The following TBC1D14 variants were observed in gnomAD, a reference collection of about 807,000 sequenced individuals.
TBC1D14 encodes TBC1 domain family member 14.
Under a neutral mutation model 79.0 loss-of-function variants are expected in TBC1D14, and 26 were observed. The ratio of observed to expected loss-of-function variants is 0.33; its 90% confidence interval spans 0.24 to 0.46. The LOEUF is 0.46. TBC1D14 is among the 20% of genes least tolerant of loss of function. TBC1D14 has a pLI of 1.00. For synonymous variants in TBC1D14, 394 were observed against 349.9 expected (o/e 1.13, Z -1.40); for missense variants, 769 against 887.6 (o/e 0.87, Z 1.70).
At chr4:6,921,933 G>A (rs185672816) in intron 1 of TBC1D14, among the ~76,000 whole-genome samples, 78 of 152,180 alleles carry the variant, frequency 5.1e-4, no homozygotes, top group Middle Eastern at 6.8e-3. Flanking sequence ...CTGACCTCTC[G>A]ACCTGCCCGC....
At chr4:6,937,203 C>T (rs1712421755) in intron 2 of TBC1D14, among the ~76,000 whole-genome samples, 3 of 152,246 alleles carry the variant, frequency 2.0e-5, no homozygotes, top group Admixed American at 2.0e-4. Flanking sequence ...AGGCGTGAGC[C>T]ACCACGCTGG....
chr4:6,990,503 TG>T (rs1718378729), intron 3 of TBC1D14, among the ~76,000 whole-genome samples: 2 of 152,160 alleles, frequency 1.3e-5, no homozygotes, highest in Admixed American at 6.5e-5. Context: ...GTCACTTAAG[TG>T]GGCAGTTTAT....
chr4:6,983,138 ATTTTTGTAT>A (rs1287394736), intron 3 of TBC1D14, among the ~76,000 whole-genome samples: 5 of 152,110 alleles, frequency 3.3e-5, no homozygotes, highest in Middle Eastern at 3.4e-3. Context: ...TTTCTGGCTA[ATTTTTGTAT>A]TTTTAGTAGA....
chr4:6,972,010 T>TTGC (rs1332279618), intron 3 of TBC1D14, among the ~76,000 whole-genome samples: 1 of 152,236 alleles, frequency 6.6e-6, no homozygotes, highest in East Asian at 1.9e-4. Flanking sequence ...AGGCCTCTGG[T>TTGC]TGCTGGCTTT....
chr4:7,022,663 G>A (rs1273411726), intron 12 of TBC1D14, among the ~76,000 whole-genome samples: 1 of 152,118 alleles, frequency 6.6e-6, no homozygotes, highest in Non-Finnish European at 1.5e-5. Flanking sequence ...AAGCTCATGG[G>A]ATTGGAAATG....
intron 2 of TBC1D14, among the ~76,000 whole-genome samples, chr4:6,928,862 G>A (rs745311132): frequency 3.3e-5 from 5 of 152,104 alleles, no homozygotes; most frequent in Admixed American, 2.6e-4. Flanking sequence ...GGGAGGAAAT[G>A]TACATACATG....
At chr4:6,932,464 A>G (rs538954332) in intron 2 of TBC1D14, among the ~76,000 whole-genome samples, 1 of 151,998 alleles carries the variant, frequency 6.6e-6, no homozygotes, top group South Asian at 2.1e-4. Flanking sequence ...AGGGAGAAGG[A>G]TGCAGGCAGG....
intron 2 of TBC1D14, among the ~76,000 whole-genome samples, chr4:6,955,944 G>C (rs1352019743): frequency 6.6e-6 from 1 of 151,994 alleles, no homozygotes; most frequent in African/African-American, 2.4e-5. Context: ...CCTTCCTCTT[G>C]GTTAAGTGCA....
At chr4:6,952,869 A>G (rs948102757) in intron 2 of TBC1D14, among the ~76,000 whole-genome samples, 2 of 151,722 alleles carry the variant, frequency 1.3e-5, no homozygotes, top group African/African-American at 4.8e-5. Context: ...TGTTTTTGAG[A>G]TGGAGTCTCA....
chr4:7,004,776 G>A, intron 7 of TBC1D14, 68 bp from the exon 8 acceptor site: 1 of 1,394,344 alleles, frequency 7.2e-7, no homozygotes, highest in Non-Finnish European at 1.0e-6. Context: ...AAATAGTACT[G>A]TGTTCTGTGG....
In TBC1D14 at chr4:6,987,137, A is replaced by C. The variant is rs955284758; in HGVS notation, c.844-7047A>C. The C allele has an allele frequency of 4.5e-5, 48 of 1,062,552 alleles. No homozygotes were observed. The African/African-American group carries it at 6.8e-4, about 15-fold the overall frequency. The allele number at this position is 1,062,552 out of a possible 1,614,324, so 65.8% of individuals were successfully genotyped here. ...CAGCCCCGCCCCCTTGGGAGTCTCC[A>C]GCCAGGCCTGACGCGCCGAGCCGGC... On this transcript the variant is annotated intron_variant, in intron 3 of 13. Coordinates refer to ENST00000409757, the MANE Select transcript of TBC1D14 (RefSeq NM_020773.3).
chr4:6,930,385 G>C (rs1711613018), intron 2 of TBC1D14, among the ~76,000 whole-genome samples: 1 of 152,226 alleles, frequency 6.6e-6, no homozygotes, highest in Non-Finnish European at 1.5e-5. Flanking sequence ...CATCGACAGG[G>C]GAGGGAGATA....
chr4:7,010,140 T>C (rs1394556508), intron 10 of TBC1D14, among the ~76,000 whole-genome samples, 192 bp downstream of exon 10: 2 of 152,216 alleles, frequency 1.3e-5, no homozygotes, highest in African/African-American at 4.8e-5. Context: ...TCGTGGCTGC[T>C]CTGGGGCATT....
At chr4:6,967,187 A>T in intron 2 of TBC1D14, 117 bp from the exon 3 acceptor site, 1 of 1,315,588 alleles carries the variant, frequency 7.6e-7, no homozygotes, top group Non-Finnish European at 1.0e-6. Context: ...AGTCTGAAGA[A>T]TTAAAGTACG....
chr4:6,968,639 G>A (rs1373650639), intron 3 of TBC1D14, among the ~76,000 whole-genome samples: 2 of 122,164 alleles, frequency 1.6e-5, no homozygotes, highest in African/African-American at 5.8e-5. Flanking sequence ...ATGAGCTAAG[G>A]ACAATGTGCA....
At chr4:6,942,536 C>CT (rs1305101184) in intron 2 of TBC1D14, among the ~76,000 whole-genome samples, 1 of 152,248 alleles carries the variant, frequency 6.6e-6, no homozygotes, top group African/African-American at 2.4e-5. Context: ...TAGCAAGAGG[C>CT]TTTTACAACC....
At chr4:7,007,730 T>A (rs774413146) in intron 9 of TBC1D14, 2 of 642,154 alleles carry the variant, frequency 3.1e-6, no homozygotes, top group Non-Finnish European at 4.7e-6. Context: ...GATTTCAGCT[T>A]CTCTGCCCTT....
At chr4:7,015,567 G>T (rs967916562) in intron 12 of TBC1D14, among the ~76,000 whole-genome samples, 1 of 152,206 alleles carries the variant, frequency 6.6e-6, no homozygotes, top group Non-Finnish European at 1.5e-5. Context: ...TCTTCATGCT[G>T]TGGTGAAAGG....
chr4:6,976,536 A>G (rs1440445974), intron 3 of TBC1D14, among the ~76,000 whole-genome samples: 1 of 152,250 alleles, frequency 6.6e-6, no homozygotes, highest in Non-Finnish European at 1.5e-5. Context: ...AGCGCCGAAA[A>G]GAACTGTCAA....
Sources: allele counts gnomAD v4.1 joint callset (sites outside exome capture counted in the v4.1 genomes callset), GRCh38; gene constraint gnomAD v4.1.1; transcripts MANE v1.5; gene names NCBI Gene and HGNC (gene_info 2026-07-23, HGNC 2026-07-21).